NOS1AP: variants seen among roughly 807,000 people sequenced by gnomAD.
The protein encoded by NOS1AP is nitric oxide synthase 1 adaptor protein.
NOS1AP carries 21 observed loss-of-function variants against 56.2 expected under a neutral mutation model. The ratio of observed to expected loss-of-function variants is 0.37; its 90% CI spans 0.26 to 0.54. The LOEUF is 0.54. NOS1AP is among the 20% of genes least tolerant of loss of function. The pLI is 0.84. For missense variants in NOS1AP, 522 were observed against 657.8 expected (o/e 0.79, Z 2.26); for synonymous variants, 270 against 274.6 (o/e 0.98, Z 0.17).
intron 9 of NOS1AP, among the ~76,000 whole-genome samples, chr1:162,366,239 TGTGTGG>T: frequency 6.6e-6 from 1 of 152,144 alleles, no homozygotes; most frequent in Non-Finnish European, 1.5e-5. Context: ...GCTCAGAGTG[TGTGTGG>T]GCTGTGGACC....
rs546980430 is a variant in NOS1AP, at chr1:162,283,151, A to G, written c.178-4193A>G. On this transcript the variant is annotated intron_variant, in intron 2 of 9. Coordinates refer to ENST00000361897, the MANE Select transcript of NOS1AP (RefSeq NM_014697.3). ...AATCCATGGATATGTTAATATACAT[A>G]TATATTTTTAACATATATATATAAT... Among the ~76,000 whole-genome samples the G allele has an allele frequency of 1.8e-3, 280 of 151,606 alleles. 1 individual carries two copies. The highest frequency in any genetic ancestry group is 6.5e-3 in the African/African-American group (267 of 41,384).
intron 2 of NOS1AP, among the ~76,000 whole-genome samples, chr1:162,256,059 G>A (rs1363658469): frequency 6.6e-6 from 1 of 152,100 alleles, no homozygotes; most frequent in African/African-American, 2.4e-5. Flanking sequence ...CAGGAGAATT[G>A]CTTGAATCCA....
intron 8 of NOS1AP, chr1:162,365,183 C>T (rs928631271): frequency 6.9e-7 from 1 of 1,439,202 alleles, no homozygotes; most frequent in Non-Finnish European, 9.1e-7. Flanking sequence ...TCATGGCCCT[C>T]CCTTAGGACA....
intron 2 of NOS1AP, among the ~76,000 whole-genome samples, chr1:162,233,433 G>A (rs955545927): frequency 6.6e-6 from 1 of 152,110 alleles, no homozygotes; most frequent in African/African-American, 2.4e-5. Context: ...CTTGAGGTAT[G>A]TCTTTAAAAA....
chr1:162,143,738 A>G (rs1007218750), intron 1 of NOS1AP, among the ~76,000 whole-genome samples: 1 of 152,162 alleles, frequency 6.6e-6, no homozygotes, highest in African/African-American at 2.4e-5. Flanking sequence ...CTGGGATTTC[A>G]GGAGTGAGCC....
At chr1:162,255,533 T>C (rs926790162) in intron 2 of NOS1AP, among the ~76,000 whole-genome samples, 1 of 124,592 alleles carries the variant, frequency 8.0e-6, no homozygotes, top group African/African-American at 3.1e-5. Context: ...TTTGGTAAGA[T>C]AGGTAATGCA....
chr1:162,138,291 C>T (rs986390009), intron 1 of NOS1AP, among the ~76,000 whole-genome samples: 2 of 151,884 alleles, frequency 1.3e-5, no homozygotes, highest in Admixed American at 6.6e-5. Context: ...TGCAGTGGGG[C>T]GGTGGTGATG....
chr1:162,251,299 C>T (rs954986840), intron 2 of NOS1AP, among the ~76,000 whole-genome samples: 1 of 152,122 alleles, frequency 6.6e-6, no homozygotes, highest in Non-Finnish European at 1.5e-5. Flanking sequence ...TCTGTCACAT[C>T]TTCCCTGAGT....
intron 5 of NOS1AP, among the ~76,000 whole-genome samples, chr1:162,339,529 T>C (rs1338631739): frequency 3.9e-5 from 6 of 152,198 alleles, no homozygotes; most frequent in Admixed American, 3.3e-4. Flanking sequence ...ACCTCTGCTT[T>C]AGTCTCCAAA....
chr1:162,180,092 G>GA (rs1360519284), intron 2 of NOS1AP, among the ~76,000 whole-genome samples: 2 of 152,080 alleles, frequency 1.3e-5, no homozygotes, highest in African/African-American at 4.8e-5. Flanking sequence ...TGTTACCTAG[G>GA]AAAGCAACAG....
At position 162,188,562 on chromosome 1, in the gene NOS1AP, A is replaced by C. The variant is rs1651516217; in HGVS notation, c.177+34086A>C. Among the ~76,000 whole-genome samples the C allele has an allele frequency of 6.6e-6, 1 of 152,182 alleles. No individual in the cohort carries two copies. On this transcript the variant is annotated intron_variant, in intron 2 of 9. Coordinates refer to ENST00000361897, the MANE Select transcript of NOS1AP (RefSeq NM_014697.3). The surrounding 1 kb of genome is among the most constrained non-coding windows in gnomAD (Gnocchi z 4.0). ...CTCTGGCAAATGTTGAAAGTGCCTAAATTTTTTCAACATTAGCACAAGAGG... is the reference window on the plus strand; with the variant it reads ...CTCTGGCAAATGTTGAAAGTGCCTACATTTTTTCAACATTAGCACAAGAGG...
intron 2 of NOS1AP, among the ~76,000 whole-genome samples, chr1:162,238,220 G>A (rs929403466): frequency 1.3e-5 from 2 of 152,116 alleles, no homozygotes; most frequent in African/African-American, 4.8e-5. Flanking sequence ...AGGGAGAATG[G>A]ACGTATGAAT....
chr1:162,280,398 C>A (rs944176051), intron 2 of NOS1AP, among the ~76,000 whole-genome samples: 1 of 152,158 alleles, frequency 6.6e-6, no homozygotes, highest in Non-Finnish European at 1.5e-5. Context: ...TAGTTTATGG[C>A]AATTCTTAAT....
intron 8 of NOS1AP, among the ~76,000 whole-genome samples, chr1:162,359,485 C>T (rs1456161451): frequency 1.3e-5 from 2 of 152,216 alleles, no homozygotes; most frequent in African/African-American, 4.8e-5. Context: ...GCTTTCAGCT[C>T]TCCTGTCCTG....
In NOS1AP at chr1:162,367,223, T is replaced by A; in HGVS notation, c.1277T>A (p.Val426Glu). ...GSPLGRRDCL[V>E]KLECFRFLPP... is the part of the protein sequence containing the mutation. ...CCCTTAGGTAGGCGCGACTGCTTGG[T>A]GAAGCTGGAGTGCTTTCGCTTTCTT... Residue 426 changes from valine to glutamate, a missense_variant, in exon 10 of 10, where the codon GTG becomes GAG. This residue lies in a region of NOS1AP where 160 missense variants were observed against 180.3 expected (regional missense o/e 0.89). Transcript: ENST00000361897. This position sits in a 1 kb window ranked among gnomAD's most constrained non-coding sequence, Gnocchi z 6.5. 1 of 1,613,926 alleles carries A rather than the reference T, an allele frequency of 6.2e-7. No homozygotes were observed. The highest frequency in any genetic ancestry group is 8.5e-7 in the Non-Finnish European group (1 of 1,179,964).
intron 1 of NOS1AP, among the ~76,000 whole-genome samples, chr1:162,112,315 C>G (rs1647742488): frequency 6.6e-6 from 1 of 152,180 alleles, no homozygotes; most frequent in African/African-American, 2.4e-5. Context: ...CAAAAGAAGG[C>G]TTGGAAAAGA....
At chr1:162,123,754 C>T (rs1045458927) in intron 1 of NOS1AP, among the ~76,000 whole-genome samples, 1 of 152,108 alleles carries the variant, frequency 6.6e-6, no homozygotes, top group Non-Finnish European at 1.5e-5. Context: ...CAGTCACCCT[C>T]TCTCATATTC....
At chr1:162,297,054 G>A (rs753845685) in intron 3 of NOS1AP, among the ~76,000 whole-genome samples, 1 of 152,198 alleles carries the variant, frequency 6.6e-6, no homozygotes, top group African/African-American at 2.4e-5. Flanking sequence ...GGTCAGTCAG[G>A]TGGGGATCCC....
At chr1:162,265,465 G>A (rs1358527227) in intron 2 of NOS1AP, among the ~76,000 whole-genome samples, 1 of 148,290 alleles carries the variant, frequency 6.7e-6, no homozygotes, top group Non-Finnish European at 1.5e-5. Context: ...ATCTATGAGT[G>A]AGAACATGCG....
Sources: allele counts gnomAD v4.1 joint callset (sites outside exome capture counted in the v4.1 genomes callset), GRCh38; gene constraint gnomAD v4.1.1; regional missense constraint gnomAD v4.1.1; non-coding constraint Gnocchi (gnomAD v3.1); transcripts MANE v1.5; gene names NCBI Gene and HGNC (gene_info 2026-07-23, HGNC 2026-07-21).